Variants in SPSB4 observed in about 807,000 individuals in gnomAD.
SPSB4 encodes the protein splA/ryanodine receptor domain and SOCS box containing 4.
Under a neutral mutation model 20.9 loss-of-function variants are expected in SPSB4, and 21 were observed. The ratio of observed to expected loss-of-function variants is 1.01; its 90% CI spans 0.71 to 1.45. The LOEUF (loss-of-function observed/expected upper bound fraction) is 1.45, where lower values mean the gene tolerates loss of function less well. Ranked by LOEUF, SPSB4 falls within the 40% of genes most tolerant of loss-of-function variation. The pLI, the probability that SPSB4 is intolerant of heterozygous loss-of-function variation, is 0.00. For synonymous variants in SPSB4, 207 were observed against 183.8 expected (o/e 1.13, Z -1.02); for missense variants, 399 against 399.2 (o/e 1.00, Z 0.00).
intron 2 of SPSB4, among the ~76,000 whole-genome samples, chr3:141,072,998 A>T (rs1043268224): frequency 6.6e-6 from 1 of 152,218 alleles, no homozygotes; most frequent in Non-Finnish European, 1.5e-5. Flanking sequence ...TAGCAGTCGC[A>T]TGGGTCCATG....
intron 2 of SPSB4, among the ~76,000 whole-genome samples, chr3:141,100,454 A>G (rs1233634600): frequency 2.0e-5 from 3 of 152,164 alleles, no homozygotes; most frequent in African/African-American, 7.2e-5. Flanking sequence ...AGGAAAGTCA[A>G]AGATTGCCGG....
chr3:141,123,828 C>A (rs1037846857), intron 2 of SPSB4, among the ~76,000 whole-genome samples: 1 of 152,232 alleles, frequency 6.6e-6, no homozygotes, highest in Non-Finnish European at 1.5e-5. Context: ...CCACCTGACA[C>A]TCTCCCCATG....
intron 2 of SPSB4, among the ~76,000 whole-genome samples, chr3:141,071,186 C>A (rs1937995151): frequency 6.6e-6 from 1 of 152,190 alleles, no homozygotes; most frequent in Non-Finnish European, 1.5e-5. Flanking sequence ...AGGTGTGGGC[C>A]CCTGCGGTGG....
At chr3:141,053,530 A>G (rs1184300830) in intron 1 of SPSB4, among the ~76,000 whole-genome samples, 2 of 152,218 alleles carry the variant, frequency 1.3e-5, no homozygotes, top group African/African-American at 4.8e-5. Flanking sequence ...CAAAAGATAT[A>G]TGACAAACTG....
At position 141,147,747 on chromosome 3, in the gene SPSB4, C is replaced by T. The variant is rs142228848; in HGVS notation, c.*478C>T. 215 of 164,216 alleles carry T rather than the reference C, an allele frequency of 1.3e-3. No individual in the cohort carries two copies. The highest frequency in any genetic ancestry group is 0.013 in the Middle Eastern group (4 of 314). 10.2% of individuals were successfully genotyped at this position (164,216 alleles called of 1,614,324 possible). ...GACGCCGTGCCCCTCCTGGCCCATA[C>T]GCCTTGCCAGGGCGGCAGGATTGTC... On this transcript the variant is annotated 3_prime_UTR_variant, in exon 3 of 3. Transcript: ENST00000310546.
intron 2 of SPSB4, among the ~76,000 whole-genome samples, chr3:141,097,499 C>T (rs2107794216): frequency 6.6e-6 from 1 of 152,294 alleles, no homozygotes; most frequent in South Asian, 2.1e-4. Context: ...CTCAGGTGAT[C>T]CACCCGCCTC....
intron 2 of SPSB4, among the ~76,000 whole-genome samples, chr3:141,101,301 C>T (rs540994332): frequency 6.6e-6 from 1 of 152,326 alleles, no homozygotes; most frequent in East Asian, 1.9e-4. Context: ...CTCCCCTCAG[C>T]ATCGCACTAA....
At chr3:141,058,502 G>T (rs1385919038) in intron 1 of SPSB4, among the ~76,000 whole-genome samples, 2 of 152,200 alleles carry the variant, frequency 1.3e-5, no homozygotes, top group African/African-American at 4.8e-5. Flanking sequence ...GCTGCTTACT[G>T]GGTTGAGAGA....
intron 2 of SPSB4, among the ~76,000 whole-genome samples, chr3:141,095,141 G>A (rs1290030247): frequency 6.6e-6 from 1 of 152,112 alleles, no homozygotes; most frequent in Admixed American, 6.5e-5. Flanking sequence ...CAGGGGTAGG[G>A]GTGAAGACCG....
chr3:141,112,997 C>T (rs189577193), intron 2 of SPSB4, among the ~76,000 whole-genome samples: 2 of 152,264 alleles, frequency 1.3e-5, no homozygotes, highest in African/African-American at 4.8e-5. Context: ...TCCAGGTTAC[C>T]CCAGCTGTTC....
chr3:141,099,310 G>T (rs903231232), intron 2 of SPSB4, among the ~76,000 whole-genome samples: 1 of 151,546 alleles, frequency 6.6e-6, no homozygotes, highest in African/African-American at 2.4e-5. Context: ...TCAGCCTCCC[G>T]TGTAGCTGGG....
chr3:141,081,216 A>G (rs1938221911), intron 2 of SPSB4, among the ~76,000 whole-genome samples: 1 of 152,170 alleles, frequency 6.6e-6, no homozygotes, highest in Non-Finnish European at 1.5e-5. Context: ...AATAAAGTTA[A>G]ATGTTCAGTT....
chr3:141,104,061 C>T (rs1042241080), intron 2 of SPSB4, among the ~76,000 whole-genome samples: 4 of 152,152 alleles, frequency 2.6e-5, no homozygotes, highest in Non-Finnish European at 5.9e-5. Flanking sequence ...GAAATGATCT[C>T]AGCAGTGAAA....
chr3:141,059,159 T>A (rs1480287748), intron 1 of SPSB4, among the ~76,000 whole-genome samples: 9 of 151,982 alleles, frequency 5.9e-5, no homozygotes. Context: ...TGGACAGAGG[T>A]ACAGGGCAGG....
At chr3:141,055,771 G>A (rs1010972839) in intron 1 of SPSB4, among the ~76,000 whole-genome samples, 3 of 152,226 alleles carry the variant, frequency 2.0e-5, no homozygotes, top group African/African-American at 4.8e-5. Context: ...ATTCCGAGGT[G>A]CACATGGACC....
At chr3:141,107,592 T>C (rs1385568712) in intron 2 of SPSB4, among the ~76,000 whole-genome samples, 3 of 152,228 alleles carry the variant, frequency 2.0e-5, no homozygotes, top group African/African-American at 7.2e-5. Flanking sequence ...CTGTCTTGCA[T>C]GTGAATATCA....
intron 2 of SPSB4, among the ~76,000 whole-genome samples, chr3:141,139,106 T>A (rs1939277805): frequency 6.6e-6 from 1 of 152,240 alleles, no homozygotes; most frequent in Non-Finnish European, 1.5e-5. Flanking sequence ...TCTTTGTCTC[T>A]TTTGATCTTT....
chr3:141,145,794 A>G (rs1192037692), intron 2 of SPSB4, among the ~76,000 whole-genome samples: 1 of 152,094 alleles, frequency 6.6e-6, no homozygotes, highest in Admixed American at 6.6e-5. Context: ...CTAACTGATC[A>G]GCACTGTTCC....
chr3:141,105,069 G>A (rs988271075), intron 2 of SPSB4, among the ~76,000 whole-genome samples: 5 of 152,202 alleles, frequency 3.3e-5, no homozygotes, highest in African/African-American at 1.2e-4. Flanking sequence ...TGAATGAGGA[G>A]ACTGAGTTCC....
Sources: gnomAD v4.1 joint callset for allele counts (sites outside exome capture counted in the v4.1 genomes callset) on GRCh38, gnomAD v4.1.1 for gene constraint, MANE v1.5 for transcripts, NCBI Gene and HGNC (gene_info 2026-07-23, HGNC 2026-07-21) for gene names.